BMP2K: variants seen among roughly 807,000 people sequenced by gnomAD.
BMP2K encodes the protein BMP-2-inducible protein kinase.
Under a neutral mutation model 116.0 loss-of-function variants are expected in BMP2K, and 74 were observed. That is an observed-to-expected ratio of 0.64 (90% CI 0.53 to 0.77). BMP2K has a LOEUF of 0.77. Among genes scored for constraint, BMP2K ranks in the 30% least tolerant of loss-of-function variants. The pLI, the probability that BMP2K is intolerant of heterozygous loss-of-function variation, is 0.00. For missense variants in BMP2K, 1,365 were observed against 1,403.6 expected (o/e 0.97, Z 0.44); for synonymous variants, 486 against 502.5 (o/e 0.97, Z 0.44).
chr4:78,829,778 T>TTC (rs879346968), intron 2 of BMP2K, among the ~76,000 whole-genome samples: 2,101 of 105,482 alleles, frequency 0.02, 23 homozygotes, highest in African/African-American at 0.05. Flanking sequence ...TTCTTTTCTT[T>TTC]TCTTTTCTTT....
At chr4:78,834,717 C>G (rs746725351) in intron 3 of BMP2K, among the ~76,000 whole-genome samples, 1 of 152,140 alleles carries the variant, frequency 6.6e-6, no homozygotes, top group Non-Finnish European at 1.5e-5. Flanking sequence ...GAAACTCTTA[C>G]AGTTTCCTGA....
intron 1 of BMP2K, among the ~76,000 whole-genome samples, chr4:78,797,454 A>G (rs1323157407): frequency 6.6e-6 from 1 of 152,208 alleles, no homozygotes; most frequent in African/African-American, 2.4e-5. Context: ...AGATTCCTTG[A>G]CTTGAATCCC....
At chr4:78,815,659 C>T (rs1424348661) in intron 1 of BMP2K, among the ~76,000 whole-genome samples, 1 of 152,024 alleles carries the variant, frequency 6.6e-6, no homozygotes, top group East Asian at 1.9e-4. Context: ...ATAATATGCC[C>T]ATCACATACA....
chr4:78,807,760 T>C (rs566136835), intron 1 of BMP2K, among the ~76,000 whole-genome samples: 1 of 150,922 alleles, frequency 6.6e-6, no homozygotes, highest in Non-Finnish European at 1.5e-5. Flanking sequence ...TTAATGTCAA[T>C]AGTAATATCC....
intron 14 of BMP2K, among the ~76,000 whole-genome samples, chr4:78,882,143 T>A (rs537676212): frequency 6.6e-6 from 1 of 152,080 alleles, no homozygotes; most frequent in African/African-American, 2.4e-5. Context: ...AATAATATGC[T>A]GTTTAGGGAA....
chr4:78,911,719 G>C lies in BMP2K; in HGVS notation c.3172G>C (p.Val1058Leu). The C allele has an allele frequency of 1.2e-6, 2 of 1,613,986 alleles. No individual in the cohort carries two copies. Among genetic ancestry groups the C allele is most frequent in the Non-Finnish European group, 1.7e-6 (2 of 1,179,888 alleles). ...ALTDGKDRGN[V>L]LQPEESLLDP... Reference sequence around the variant, plus strand: ...GACTGATGGGAAAGATAGGGGGAATGTCTTACAACCTGAGGAGAGCCTGTT... The same window carrying C: ...GACTGATGGGAAAGATAGGGGGAATCTCTTACAACCTGAGGAGAGCCTGTT... The change falls in exon 16 of 16, where the codon GTC (valine) becomes CTC (leucine). Residue 1058 changes from valine (V) to leucine (L), a missense_variant. Val to Leu is a conservative substitution (Grantham distance 32). Coordinates refer to ENST00000502613, the MANE Select transcript of BMP2K (RefSeq NM_198892.2).
At chr4:78,886,820 T>G (rs1193848788) in intron 14 of BMP2K, among the ~76,000 whole-genome samples, 1 of 152,258 alleles carries the variant, frequency 6.6e-6, no homozygotes, top group East Asian at 1.9e-4. Context: ...TCTAAATTTA[T>G]TTTTGGAGAC....
intron 1 of BMP2K, among the ~76,000 whole-genome samples, chr4:78,779,133 A>G (rs1326930636): frequency 6.6e-6 from 1 of 152,204 alleles, no homozygotes; most frequent in African/African-American, 2.4e-5. Context: ...AGTCACCGTG[A>G]AAACTGGATT....
At chr4:78,851,198 A>T in intron 7 of BMP2K, 142 bp downstream of exon 7, 1 of 890,156 alleles carries the variant, frequency 1.1e-6, no homozygotes, top group Non-Finnish European at 1.6e-6. Flanking sequence ...ACATTTAAAA[A>T]AGTGTTTAAA....
rs769894741 is a variant in BMP2K, at chr4:78,911,457, C to G, written c.2910C>G (p.Val970=). ...TAACGGGGAGCCAGCAGCAAAAAGT[C>G]AAACAGCGCAGCTTACAGAAACTGT... ...DEITGSQQQK[V]KQRSLQKLSS... The change falls in exon 16 of 16, where the codon GTC becomes GTG. Residue 970 remains valine (V), a synonymous_variant. Coordinates refer to ENST00000502613, the MANE Select transcript of BMP2K (RefSeq NM_198892.2). 1.2e-6 allele frequency: 2 copies of G among 1,614,016 alleles called. No individual in the cohort carries two copies. The highest frequency in any genetic ancestry group is 1.7e-6 in the Non-Finnish European group (2 of 1,179,894).
intron 15 of BMP2K, among the ~76,000 whole-genome samples, chr4:78,888,638 C>T (rs1283764101): frequency 6.6e-6 from 1 of 152,160 alleles, no homozygotes; most frequent in African/African-American, 2.4e-5. Context: ...AGTGATTGGT[C>T]TTTTCTCTGG....
In BMP2K at chr4:78,887,180, T is replaced by G. The variant is rs752276478; in HGVS notation, c.1958T>G (p.Leu653Arg). The change falls in exon 15 of 16, where the codon CTC becomes CGC. Residue 653 changes from leucine (L) to arginine (R), a missense_variant. Transcript: ENST00000502613. ...TTTCATCTTATTTTTGCAGATAGGC[T>G]CGAGGAGAGAGCATCCTCAGATAAG... is the stretch of plus-strand genomic sequence containing the variant. ...REFDLLRSNR[L>R]EERASSDKNV... is the part of the protein sequence containing the mutation. 1.9e-6 allele frequency: 3 copies of G among 1,600,422 alleles called. No individual in the cohort carries two copies.
At chr4:78,815,170 C>G (rs1729279473) in intron 1 of BMP2K, among the ~76,000 whole-genome samples, 1 of 152,160 alleles carries the variant, frequency 6.6e-6, no homozygotes, top group African/African-American at 2.4e-5. Flanking sequence ...TCAGTCGAAA[C>G]TATACACTTT....
chr4:78,794,513 T>A (rs1195277135), intron 1 of BMP2K, among the ~76,000 whole-genome samples: 2 of 152,312 alleles, frequency 1.3e-5, no homozygotes, highest in South Asian at 2.1e-4. Context: ...ATAATTTTTT[T>A]AAACTTGAGC....
rs780599093 is a variant in BMP2K at position 78,878,939 on chromosome 4, T to A, written c.1951+48T>A. The A allele has an allele frequency of 1.4e-5, 22 of 1,575,002 alleles. 1 individual carries two copies. The South Asian group carries it at 2.0e-4, about 14-fold the overall frequency. Reference sequence around the variant, plus strand: ...TTTTGCTTCACAGTAAAATAACAGCTCTATTATTATTCAGCAAGGCCAAAG... The same window carrying A: ...TTTTGCTTCACAGTAAAATAACAGCACTATTATTATTCAGCAAGGCCAAAG... On this transcript the variant is annotated intron_variant, in intron 14 of 15. Transcript: ENST00000502613.
chr4:78,831,823 T>A (rs1730221048), intron 2 of BMP2K, among the ~76,000 whole-genome samples: 1 of 152,216 alleles, frequency 6.6e-6, no homozygotes, highest in South Asian at 2.1e-4. Context: ...TAGGGTTACA[T>A]ATGCTCAGTG....
In BMP2K at chr4:78,913,647, C is replaced by T. The variant is rs1734801094; in HGVS notation, c.*1614C>T. ...TTATTAGGAATCTCTTATAGTGCCC[C>T]AATGGGATAAGCTATTTGCCTATTT... On this transcript the variant is annotated 3_prime_UTR_variant, in exon 16 of 16. Transcript: ENST00000502613. The T allele has an allele frequency of 6.6e-6, 1 of 152,084 alleles. No homozygotes were observed. 9.4% of individuals were successfully genotyped at this position (152,084 alleles called of 1,614,324 possible).
In BMP2K at chr4:78,915,452, A is replaced by G. The variant is rs1734959440; in HGVS notation, c.*3419A>G. On this transcript the variant is annotated 3_prime_UTR_variant, in exon 16 of 16. Coordinates refer to ENST00000502613, the MANE Select transcript of BMP2K (RefSeq NM_198892.2). ...TGTTTTTAATATATTTAGAATGTGC[A>G]GTAAACTTTTTTCTCATTTTTTTTT... 6.6e-6 allele frequency: 1 copy of G among 151,970 alleles called. No individual in the cohort carries two copies. 9.4% of individuals were successfully genotyped at this position (151,970 alleles called of 1,614,324 possible).
At chr4:78,879,417 A>C in intron 14 of BMP2K, 1 of 985,784 alleles carries the variant, frequency 1.0e-6, no homozygotes, top group Non-Finnish European at 1.2e-6. Flanking sequence ...AAATTAAATA[A>C]ATTCTTTTTC....
Sources: gnomAD v4.1 joint callset for allele counts (sites outside exome capture counted in the v4.1 genomes callset) on GRCh38, gnomAD v4.1.1 for gene constraint, MANE v1.5 for transcripts, NCBI Gene and HGNC (gene_info 2026-07-23, HGNC 2026-07-21) for gene names.